Variants in GPR89B observed in about 807,000 individuals in gnomAD.
The protein encoded by GPR89B is golgi pH regulator B, also known as G protein-coupled receptor 89B.
In GPR89B, 25 loss-of-function variants were observed where a neutral mutation model predicts 52.4. The observed-to-expected ratio is 0.48, with a 90% CI of 0.35 to 0.67. The LOEUF is 0.67. Ranked by LOEUF, GPR89B falls within the 30% of genes least tolerant of loss-of-function variation. The probability of loss-of-function intolerance (pLI) is 0.01; values close to 1 mark genes in which losing one functional copy is unlikely to be tolerated. For missense variants in GPR89B, 146 were observed against 450.2 expected, an observed-to-expected ratio of 0.32 and a Z score of 6.11; for synonymous variants, 52 against 151.2, an observed-to-expected ratio of 0.34 and a Z score of 4.81.
At chr1:147,933,783 C>G (rs1553247427) in intron 1 of GPR89B, among the ~76,000 whole-genome samples, 2 of 152,026 alleles carry the variant, frequency 1.3e-5, no homozygotes, top group Non-Finnish European at 2.9e-5. Context: ...CATCTGAATT[C>G]CCATAACACA....
chr1:147,980,419 G>T (rs1199241729), intron 10 of GPR89B, among the ~76,000 whole-genome samples: 1 of 119,228 alleles, frequency 8.4e-6, no homozygotes, highest in Non-Finnish European at 1.7e-5. Flanking sequence ...TTGCAATTTG[G>T]GTCTCAAGGA....
intron 7 of GPR89B, among the ~76,000 whole-genome samples, chr1:147,959,745 A>T (rs1656396184): frequency 6.6e-6 from 1 of 152,118 alleles, no homozygotes; most frequent in African/African-American, 2.4e-5. Flanking sequence ...AGAGTCTGAG[A>T]AAAATAGGCA....
chr1:147,963,475 TA>T (rs1656787125), intron 7 of GPR89B, among the ~76,000 whole-genome samples: 1 of 150,662 alleles, frequency 6.6e-6, no homozygotes, highest in Admixed American at 6.6e-5. Flanking sequence ...CACTAGTATC[TA>T]GAATAAAAAA....
chr1:147,950,739 C>T (rs773125299), intron 5 of GPR89B, among the ~76,000 whole-genome samples: 38 of 151,590 alleles, frequency 2.5e-4, no homozygotes, highest in Non-Finnish European at 4.4e-4. Flanking sequence ...GAGACCAGCC[C>T]GGCCAACACA....
intron 10 of GPR89B, among the ~76,000 whole-genome samples, chr1:147,979,755 T>G (rs1305213217): frequency 6.6e-6 from 1 of 151,996 alleles, no homozygotes; most frequent in Non-Finnish European, 1.5e-5. Flanking sequence ...ATTATCATTT[T>G]TCTATTTTGT....
chr1:147,939,309 A>G (rs1654352111), intron 3 of GPR89B, among the ~76,000 whole-genome samples: 2 of 151,540 alleles, frequency 1.3e-5, no homozygotes. Flanking sequence ...AGTGTTTCTT[A>G]AAACACTTTT....
chr1:147,936,552 T>C lies in GPR89B; in HGVS notation c.43-75T>C, dbSNP rs587751566. 1.5e-4 allele frequency: 147 copies of C among 1,005,816 alleles called. 3 individuals carry two copies. In the South Asian group the frequency reaches 2.0e-3, roughly 14 times the overall value. The allele number at this position is 1,005,816 out of a possible 1,614,324, so 62.3% of individuals were successfully genotyped here. A position where few individuals can be genotyped will look rare whatever the true frequency, so the allele number is the denominator to read the frequency against. ...TTAACCGTCTAGTTAGCAGACCTTT[T>C]ATCATAAAAGAGTTTCTATAAAACA... On this transcript the variant is annotated intron_variant, in intron 1 of 13. Transcript: ENST00000314163.
chr1:147,954,029 AAAAAT>A (rs1283965060), intron 6 of GPR89B, among the ~76,000 whole-genome samples: 33 of 149,420 alleles, frequency 2.2e-4, no homozygotes, highest in East Asian at 2.1e-3. Flanking sequence ...AAGTATAATA[AAAAAT>A]AAAATAAAAA....
In GPR89B at chr1:147,993,370, A is replaced by AT. The variant is rs1388083054; in HGVS notation, c.*454dup. ...TTGCCTTACGTTCATTTTATCAAGCATAGCTTGGTATTTATTATGCTTGTG... is the reference window on the plus strand; with the variant it reads ...TTGCCTTACGTTCATTTTATCAAGCATTAGCTTGGTATTTATTATGCTTGTG... On this transcript the variant is annotated 3_prime_UTR_variant, in exon 14 of 14. Transcript: ENST00000314163. 2 of 251,016 alleles carry AT rather than the reference A, an allele frequency of 8.0e-6. No homozygotes were observed. Among genetic ancestry groups the AT allele is most frequent in the African/African-American group, 4.6e-5 (2 of 43,898 alleles). 15.5% of individuals were successfully genotyped at this position (251,016 alleles called of 1,614,324 possible).
chr1:148,014,173 G>T, the GPR89B span, among the ~76,000 whole-genome samples: 138 of 151,444 alleles, frequency 9.1e-4, 2 homozygotes, highest in African/African-American at 3.0e-3. Flanking sequence ...GCCTGCCCGG[G>T]ATCCAAGAGC....
chr1:147,945,510 T>C (rs1654893732), intron 5 of GPR89B, among the ~76,000 whole-genome samples: 1 of 152,198 alleles, frequency 6.6e-6, no homozygotes, highest in Admixed American at 6.5e-5. Context: ...AGATATGCAG[T>C]TTTGAAAAGC....
chr1:147,950,269 G>A (rs1452812410), intron 5 of GPR89B, among the ~76,000 whole-genome samples: 8 of 151,226 alleles, frequency 5.3e-5, no homozygotes, highest in Middle Eastern at 3.5e-3. Context: ...TCGCGGCCGG[G>A]TAGAGGTGCT....
downstream of GPR89B, chr1:147,995,792 T>C: frequency 6.3e-7 from 1 of 1,586,386 alleles, no homozygotes; most frequent in Non-Finnish European, 8.6e-7. Flanking sequence ...CACCACCTTC[T>C]CATAGGGTTC....
chr1:147,972,881 G>C (rs1238455395), intron 10 of GPR89B, among the ~76,000 whole-genome samples: 1 of 149,594 alleles, frequency 6.7e-6, no homozygotes, highest in African/African-American at 2.5e-5. Context: ...ACATTGTTCA[G>C]TTCCCACTTA....
intron 9 of GPR89B, 37 bp downstream of exon 9, chr1:147,969,000 A>G (rs1472049355): frequency 5.6e-5 from 85 of 1,523,512 alleles, no homozygotes; most frequent in Non-Finnish European, 7.3e-5. Flanking sequence ...GTTTTTACCA[A>G]TATTATTAAA....
chr1:147,968,810 G>T, intron 8 of GPR89B, 65 bp from the exon 9 acceptor site: 21 of 1,612,438 alleles, frequency 1.3e-5, no homozygotes, highest in Non-Finnish European at 1.6e-5. Flanking sequence ...AAAAGTATAT[G>T]CTTTCTCATT....
intron 1 of GPR89B, among the ~76,000 whole-genome samples, chr1:147,933,911 TA>T (rs1653859606): frequency 6.6e-6 from 1 of 152,192 alleles, no homozygotes; most frequent in African/African-American, 2.4e-5. Flanking sequence ...CCTGCTTAAA[TA>T]ACCCTCACCA....
At chr1:148,019,322 C>A in the GPR89B span, among the ~76,000 whole-genome samples, 3 of 151,190 alleles carry the variant, frequency 2.0e-5, no homozygotes, top group African/African-American at 7.4e-5. Flanking sequence ...AAACAGAAAA[C>A]CAAACACCGT....
chr1:147,970,569 C>CTA lies in GPR89B; in HGVS notation c.909+621_909+622dup, dbSNP rs1295887286. ...TCTCTCTCTCTATCTCTCTCTCTCT[C>CTA]TATATATATATAGAATGTGAACATT... is the stretch of plus-strand genomic sequence containing the variant. On this transcript the variant is annotated intron_variant, in intron 10 of 13. Transcript: ENST00000314163. 5.7e-3 allele frequency among the ~76,000 whole-genome samples: 806 copies of CTA among 142,636 alleles called. 9 individuals are homozygous for CTA. Among genetic ancestry groups the CTA allele is most frequent in the African/African-American group, 0.02 (758 of 37,534 alleles). The allele number at this position is 142,636 out of a possible 152,430, so 93.6% of individuals were successfully genotyped here.
Sources: gnomAD v4.1 joint callset for allele counts (sites outside exome capture counted in the v4.1 genomes callset) on GRCh38, gnomAD v4.1.1 for gene constraint, MANE v1.5 for transcripts, NCBI Gene and HGNC (gene_info 2026-07-23, HGNC 2026-07-21) for gene names.